The following COBL variants were observed in gnomAD, a reference collection of about 807,000 sequenced individuals.
COBL encodes cordon-bleu WH2 repeat protein.
In COBL, 51 loss-of-function variants were observed where a neutral mutation model predicts 98.8. The ratio of observed to expected loss-of-function variants is 0.52; its 90% CI spans 0.41 to 0.65. The LOEUF is 0.65. Ranked by LOEUF, COBL falls within the 30% of genes least tolerant of loss-of-function variation. The pLI is 0.00. For synonymous variants in COBL, 634 were observed against 651.7 expected (o/e 0.97, Z 0.41); for missense variants, 1,617 against 1,617.5 (o/e 1.00, Z 0.01).
At chr7:51,274,706 A>C (rs1421997738) in intron 1 of COBL, among the ~76,000 whole-genome samples, 1 of 152,232 alleles carries the variant, frequency 6.6e-6, no homozygotes, top group Non-Finnish European at 1.5e-5. Context: ...TTCATTCAAT[A>C]AATGACTTTC....
chr7:51,057,376 G>T (rs755819305), intron 7 of COBL, among the ~76,000 whole-genome samples: 12 of 151,978 alleles, frequency 7.9e-5, no homozygotes, highest in South Asian at 2.1e-4. Flanking sequence ...GAGGTTTCAG[G>T]CATCCATGGA....
At position 51,187,319 on chromosome 7, in the gene COBL, T is replaced by TAG. The variant is rs1324099973; in HGVS notation, c.686-3121_686-3120insCT. Among the ~76,000 whole-genome samples, 349 of 135,108 alleles carry TAG rather than the reference T, an allele frequency of 2.6e-3. 1 individual carries two copies. The highest frequency in any genetic ancestry group is 0.011 in the African/African-American group (336 of 30,940). The allele number at this position is 135,108 out of a possible 152,430, so 88.6% of individuals were successfully genotyped here. ...ATATGTATATGTTTAAGTATATATA[T>TAG]ATATATATATATACACACACACACA... On this transcript the variant is annotated intron_variant, in intron 4 of 12. Transcript: ENST00000265136.
At chr7:51,147,873 C>T (rs1470881108) in intron 5 of COBL, among the ~76,000 whole-genome samples, 1 of 151,980 alleles carries the variant, frequency 6.6e-6, no homozygotes, top group African/African-American at 2.4e-5. Flanking sequence ...GCCTCAGCCT[C>T]CCAAGTAGCT....
intron 5 of COBL, among the ~76,000 whole-genome samples, chr7:51,152,386 G>T (rs184544289): frequency 3.3e-4 from 50 of 152,194 alleles, no homozygotes; most frequent in Admixed American, 2.9e-3. Context: ...AATTTAGTTG[G>T]TACCATGGTT....
intron 2 of COBL, among the ~76,000 whole-genome samples, chr7:51,194,573 C>T (rs1790417359): frequency 6.6e-6 from 1 of 152,132 alleles, no homozygotes; most frequent in Non-Finnish European, 1.5e-5. Flanking sequence ...ATTTACAATC[C>T]CATCAACAGT....
intron 5 of COBL, among the ~76,000 whole-genome samples, chr7:51,167,466 T>C (rs1161871921): frequency 6.6e-6 from 1 of 152,080 alleles, no homozygotes; most frequent in Non-Finnish European, 1.5e-5. Context: ...TTGAAAAATA[T>C]TCCATGCTTA....
intron 6 of COBL, among the ~76,000 whole-genome samples, chr7:51,100,783 G>A (rs1388540257): frequency 1.3e-5 from 2 of 152,068 alleles, no homozygotes; most frequent in African/African-American, 4.8e-5. Flanking sequence ...CACACCTGTA[G>A]TCCCAGCTAC....
At chr7:51,022,743 G>A (rs558840977) in intron 12 of COBL, 17 of 152,292 alleles carry the variant, frequency 1.1e-4, no homozygotes, top group African/African-American at 4.1e-4. Context: ...AAAAGAAAAA[G>A]ATACAGAAAC....
chr7:51,301,927 C>T lies in COBL; in HGVS notation c.41+14666G>A, dbSNP rs144936629. 3.3e-5 allele frequency among the ~76,000 whole-genome samples: 5 copies of T among 152,332 alleles called. No homozygotes were observed. The East Asian group carries it at 9.7e-4, about 29-fold the overall frequency. On this transcript the variant is annotated intron_variant, in intron 1 of 12. Transcript: ENST00000265136. ...TACATTTTATCTAGTTTTCAACCCC[C>T]AGCTCAAAACCTGGTAGCTTTGCCT...
intron 6 of COBL, among the ~76,000 whole-genome samples, chr7:51,133,177 G>A (rs933641806): frequency 2.0e-5 from 3 of 151,800 alleles, no homozygotes; most frequent in Admixed American, 2.0e-4. Flanking sequence ...AGATGAAGCA[G>A]GAAGAAAATC....
In COBL at chr7:51,311,341, G is replaced by C. The variant is rs189227931; in HGVS notation, c.41+5252C>G. Among the ~76,000 whole-genome samples the C allele has an allele frequency of 3.4e-3, 521 of 152,276 alleles. 2 individuals carry two copies. The highest frequency in any genetic ancestry group is 6.1e-3 in the Non-Finnish European group (416 of 68,038). Reference sequence around the variant, plus strand: ...TGCTGGGGAAAGCCATCCTTCTCTGGAGGGGCTGGCTCAGAAGCACAGGGA... The same window carrying C: ...TGCTGGGGAAAGCCATCCTTCTCTGCAGGGGCTGGCTCAGAAGCACAGGGA... On this transcript the variant is annotated intron_variant, in intron 1 of 12. Transcript: ENST00000265136.
chr7:51,152,765 A>G (rs1374435437), intron 5 of COBL, among the ~76,000 whole-genome samples: 1 of 152,170 alleles, frequency 6.6e-6, no homozygotes, highest in African/African-American at 2.4e-5. Flanking sequence ...ATCTTTTCTC[A>G]TCCTTGTTGT....
chr7:51,264,207 T>C (rs1024089249), intron 1 of COBL, among the ~76,000 whole-genome samples: 8 of 152,088 alleles, frequency 5.3e-5, no homozygotes, highest in African/African-American at 1.9e-4. Context: ...CAAAAGCCCA[T>C]GTGTTGGGGA....
chr7:51,239,393 T>C (rs1042090141), intron 1 of COBL, among the ~76,000 whole-genome samples: 2 of 152,222 alleles, frequency 1.3e-5, no homozygotes, highest in African/African-American at 2.4e-5. Context: ...ACAAATGCCA[T>C]GGCAATGTCC....
intron 6 of COBL, among the ~76,000 whole-genome samples, chr7:51,124,487 C>T (rs1798019891): frequency 1.3e-5 from 2 of 152,148 alleles, no homozygotes; most frequent in African/African-American, 4.8e-5. Flanking sequence ...TCTCTGGCTC[C>T]CAACTGGAAT....
At chr7:51,073,937 G>A (rs1792806971) in intron 7 of COBL, among the ~76,000 whole-genome samples, 1 of 152,110 alleles carries the variant, frequency 6.6e-6, no homozygotes, top group Admixed American at 6.6e-5. Context: ...AAGTACCTGT[G>A]GAGCAAACTC....
chr7:51,142,198 A>G (rs947258836), intron 5 of COBL, among the ~76,000 whole-genome samples: 21 of 152,054 alleles, frequency 1.4e-4, no homozygotes, highest in Middle Eastern at 6.8e-3. Context: ...TTGGCCAAGT[A>G]CCCCATGGAA....
intron 1 of COBL, among the ~76,000 whole-genome samples, chr7:51,315,298 T>C (rs1264421818): frequency 6.6e-6 from 1 of 152,064 alleles, no homozygotes; most frequent in Non-Finnish European, 1.5e-5. Context: ...AACTTCTTTT[T>C]AACATTCCTC....
intron 6 of COBL, 49 bp downstream of exon 6, chr7:51,136,109 T>A (rs373209517): frequency 6.4e-7 from 1 of 1,574,296 alleles, no homozygotes; most frequent in African/African-American, 1.4e-5. Context: ...AACAATCAAC[T>A]GTGTCACTGA....
Sources: gnomAD v4.1 joint callset for allele counts (sites outside exome capture counted in the v4.1 genomes callset) on GRCh38, gnomAD v4.1.1 for gene constraint, MANE v1.5 for transcripts, NCBI Gene and HGNC (gene_info 2026-07-23, HGNC 2026-07-21) for gene names.